Variants in NLRP2 observed in about 807,000 individuals in gnomAD.
NLRP2 encodes the protein NLR family pyrin domain containing 2.
Under a neutral mutation model 97.2 loss-of-function variants are expected in NLRP2, and 107 were observed. That is an observed-to-expected ratio of 1.10 (90% CI 0.94 to 1.29). The LOEUF is 1.29. Ranked by LOEUF, NLRP2 falls within the 50% of genes most tolerant of loss-of-function variation. The pLI is 0.00. For synonymous variants in NLRP2, 663 were observed against 551.5 expected (o/e 1.20, Z -2.83); for missense variants, 1,495 against 1,330.3 (o/e 1.12, Z -1.93).
At position 54,994,420 on chromosome 19, in the gene NLRP2, T is replaced by G; in HGVS notation, c.2860T>G (p.Cys954Gly). ...GTGTGAGGCTTTGAGGAAACCACTG[T>G]GCAACTTGAGATGTCTGTGGTGAGT... ...FLCEALRKPL[C>G]NLRCLWLWGC... is the part of the protein sequence containing the mutation. The change falls in exon 11 of 13, where the codon TGC becomes GGC. Residue 954 changes from cysteine (C) to glycine (G), a missense_variant. Transcript: ENST00000448584. The G allele has an allele frequency of 6.2e-7, 1 of 1,613,086 alleles. No homozygotes were observed. The highest frequency in any genetic ancestry group is 8.5e-7 in the Non-Finnish European group (1 of 1,180,024).
At chr19:54,979,005 AAT>A (rs369998820) in intron 4 of NLRP2, among the ~76,000 whole-genome samples, 4 of 151,498 alleles carry the variant, frequency 2.6e-5, no homozygotes, top group African/African-American at 9.7e-5. Context: ...TTGTTTTTGA[AAT>A]AGAGTCTCAC....
rs755123098 is a variant in NLRP2, at chr19:54,982,196, G to C, written c.498G>C (p.Thr166=). ...KDNRCRYILK[T]KFREMWKSWP... is the part of the protein sequence containing the mutation. The stretch of plus-strand genomic sequence containing the variant: ...ATAGGTGCAGGTATATATTGAAGAC[G>C]AAGTTCCGGGAGATGTGGAAGAGCT... The change falls in exon 6 of 13, where the codon ACG becomes ACC. Residue 166 remains threonine, a synonymous_variant. Transcript: ENST00000448584. 1 of 1,614,082 alleles carries C rather than the reference G, an allele frequency of 6.2e-7. No individual in the cohort carries two copies. The highest frequency in any genetic ancestry group is 1.1e-5 in the South Asian group (1 of 91,082).
chr19:54,978,461 C>T (rs909882211), intron 4 of NLRP2, among the ~76,000 whole-genome samples: 2 of 152,058 alleles, frequency 1.3e-5, no homozygotes, highest in Non-Finnish European at 2.9e-5. Flanking sequence ...TGGTCTCAAA[C>T]TCCTGACCTC....
At chr19:54,968,248 A>C (rs1213439852) in intron 1 of NLRP2, among the ~76,000 whole-genome samples, 3 of 151,282 alleles carry the variant, frequency 2.0e-5, no homozygotes, top group Admixed American at 6.6e-5. Context: ...ACAGGGTCTT[A>C]AGTTGCCAGG....
chr19:55,000,809 A>G lies in NLRP2; in HGVS notation c.3100A>G (p.Ile1034Val), dbSNP rs61735076. The G allele has an allele frequency of 7.9e-4, 1,283 of 1,613,844 alleles. 10 individuals are homozygous for G. The African/African-American group carries it at 0.015, about 19-fold the overall frequency. ...NDELNKLLEE[I>V]EEKNPQLIID... is the part of the protein sequence containing the mutation. ...TGAACTCAATAAGCTGCTGGAAGAAATAGAAGAAAAAAACCCACAACTGAT... is the reference window on the plus strand; with the variant it reads ...TGAACTCAATAAGCTGCTGGAAGAAGTAGAAGAAAAAAACCCACAACTGAT... The change falls in exon 13 of 13, where the codon ATA (isoleucine) becomes GTA (valine). Residue 1034 changes from isoleucine to valine, a missense_variant. Ile to Val is a conservative substitution (Grantham distance 29). Transcript: ENST00000448584.
chr19:54,970,020 T>G lies in NLRP2; in HGVS notation c.5T>G (p.Val2Gly). ...ACAGCTCCCACGTGGGACAAGATGG[T>G]GTCTTCGGCGCAGATGGGCTTCAAC... MVSSAQMGFNLQ... is the reference protein window; with the variant it reads MGSSAQMGFNLQ... Residue 2 changes from valine to glycine, a missense_variant, in exon 2 of 13, where the codon GTG (valine) becomes GGG (glycine). Transcript: ENST00000448584. 1.9e-6 allele frequency: 3 copies of G among 1,613,408 alleles called. No homozygotes were observed. Among genetic ancestry groups the G allele is most frequent in the Non-Finnish European group, 2.5e-6 (3 of 1,180,012 alleles).
At chr19:54,998,276 C>G (rs150283724) in intron 12 of NLRP2, among the ~76,000 whole-genome samples, 1,790 of 152,034 alleles carry the variant, frequency 0.012, 17 homozygotes, top group Non-Finnish European at 0.019. Context: ...CCTCAGCATC[C>G]CAAAGTGCTG....
chr19:54,981,577 C>A, intron 4 of NLRP2, 40 bp from the exon 5 acceptor site: 2 of 1,028,514 alleles, frequency 1.9e-6, no homozygotes, highest in South Asian at 1.2e-5. Context: ...GGAAATACAC[C>A]TGATTTTGTG....
chr19:54,971,950 T>A (rs2070883629), intron 2 of NLRP2, among the ~76,000 whole-genome samples: 1 of 149,976 alleles, frequency 6.7e-6, no homozygotes, highest in African/African-American at 2.5e-5. Context: ...TGCCTCAGCC[T>A]CCCGAGTAGC....
chr19:54,968,826 C>T (rs1051712982), intron 1 of NLRP2, among the ~76,000 whole-genome samples: 4 of 151,536 alleles, frequency 2.6e-5, no homozygotes, highest in Non-Finnish European at 4.4e-5. Flanking sequence ...CTCAGCCTCC[C>T]AAGTAGCTGG....
intron 12 of NLRP2, among the ~76,000 whole-genome samples, 173 bp from the exon 13 acceptor site, chr19:55,000,587 T>C (rs970197148): frequency 1.5e-5 from 2 of 137,838 alleles, no homozygotes; most frequent in Non-Finnish European, 3.1e-5. Context: ...CCTGAGACTG[T>C]CTTTTAAAAA....
At chr19:54,996,788 A>T (rs2072851151) in intron 11 of NLRP2, among the ~76,000 whole-genome samples, 1 of 146,230 alleles carries the variant, frequency 6.8e-6, no homozygotes, top group African/African-American at 2.6e-5. Context: ...CGGTCTCTTC[A>T]CCCCCTCACC....
intron 2 of NLRP2, among the ~76,000 whole-genome samples, chr19:54,973,344 G>GTTTTTTTTTTTTTT (rs10673643): frequency 2.2e-5 from 2 of 92,550 alleles, no homozygotes; most frequent in African/African-American, 9.0e-5. Context: ...ATGGGTGAGG[G>GTTTTTTTTTTTTTT]TTTTTTTTTT....
In NLRP2 at chr19:54,982,536, G is replaced by C; in HGVS notation, c.838G>C (p.Ala280Pro). Residue 280 changes from alanine to proline, a missense_variant, in exon 6 of 13, where the codon GCA (alanine) becomes CCA (proline). Ala to Pro is a conservative substitution (Grantham distance 27). Transcript: ENST00000448584. Reference protein sequence around the residue: ...QDDIPHILAQARKILFVIDGF... With the variant: ...QDDIPHILAQPRKILFVIDGF... ...TGACATTCCACACATCCTAGCCCAA[G>C]CACGGAAAATCTTGTTCGTGATTGA... 1.2e-6 allele frequency: 2 copies of C among 1,614,208 alleles called. No homozygotes were observed. The highest frequency in any genetic ancestry group is 1.7e-6 in the Non-Finnish European group (2 of 1,180,044).
At chr19:54,970,505 A>G (rs2070775915) in intron 2 of NLRP2, among the ~76,000 whole-genome samples, 1 of 151,952 alleles carries the variant, frequency 6.6e-6, no homozygotes, top group South Asian at 2.1e-4. Context: ...AAATACAAAA[A>G]TTTGCTGGAC....
chr19:54,994,497 G>A, intron 11 of NLRP2, 58 bp downstream of exon 11: 2 of 1,582,186 alleles, frequency 1.3e-6, no homozygotes, highest in Non-Finnish European at 1.7e-6. Flanking sequence ...TCTGTGGCTA[G>A]TGTAAAATAA....
Position 55,000,740 on chromosome 19 carries a change from C to T in NLRP2, c.3051-20C>T, listed in dbSNP as rs2073141188. On this transcript the variant is annotated intron_variant, in intron 12 of 12. Transcript: ENST00000448584. ...TCCTTGATGCACAAAGTAACCTTTT[C>T]TTCCCCCATTGTACCCCAGGTTGAA... is the stretch of plus-strand genomic sequence containing the variant. 1.7e-5 allele frequency: 28 copies of T among 1,612,574 alleles called. No individual in the cohort carries two copies. The highest frequency in any genetic ancestry group is 2.4e-5 in the Non-Finnish European group (28 of 1,178,954).
At chr19:54,998,374 G>T (rs1216427871) in intron 12 of NLRP2, among the ~76,000 whole-genome samples, 1 of 152,020 alleles carries the variant, frequency 6.6e-6, no homozygotes, top group Non-Finnish European at 1.5e-5. Flanking sequence ...TCCTAGGAAT[G>T]TGGGAACTTC....
intron 3 of NLRP2, chr19:54,976,846 TGCTC>T: frequency 2.5e-6 from 1 of 401,322 alleles, no homozygotes; most frequent in Non-Finnish European, 4.7e-6. Context: ...GAGTCTCGCT[TGCTC>T]TTTTGCCAGG....
Sources: gnomAD v4.1 joint callset for allele counts (sites outside exome capture counted in the v4.1 genomes callset) on GRCh38, gnomAD v4.1.1 for gene constraint, MANE v1.5 for transcripts, NCBI Gene and HGNC (gene_info 2026-07-23, HGNC 2026-07-21) for gene names.